Variants in MECOM observed in about 807,000 individuals in gnomAD.
The protein encoded by MECOM is histone-lysine N-methyltransferase MECOM.
In MECOM, 13 loss-of-function variants were observed where a neutral mutation model predicts 116.3. The observed-to-expected ratio is 0.11, with a 90% CI of 0.07 to 0.18. The LOEUF (loss-of-function observed/expected upper bound fraction) is 0.18. Among genes scored for constraint, MECOM ranks in the 10% least tolerant of loss-of-function variants. MECOM has a pLI of 1.00. For missense variants in MECOM, 1,299 were observed against 1,509.0 expected (o/e 0.86, Z 2.31); for synonymous variants, 528 against 535.2 (o/e 0.99, Z 0.19).
intron 2 of MECOM, among the ~76,000 whole-genome samples, chr3:169,250,414 C>T (rs1319138374): frequency 6.6e-6 from 1 of 152,150 alleles, no homozygotes; most frequent in Non-Finnish European, 1.5e-5. Flanking sequence ...GCTGAGGAAC[C>T]CGCATACCAA....
chr3:169,129,403 G>A (rs1577074328), intron 4 of MECOM, among the ~76,000 whole-genome samples: 1 of 30,932 alleles, frequency 3.2e-5, no homozygotes, highest in East Asian at 1.4e-3. Context: ...TTCAGACTTG[G>A]TTTTTAGAAG....
intron 1 of MECOM, among the ~76,000 whole-genome samples, chr3:169,485,976 A>ATATACTATATATACG (rs1560340897): frequency 4.9e-5 from 4 of 82,462 alleles, no homozygotes; most frequent in African/African-American, 2.7e-4. Context: ...ATATATACAT[A>ATATACTATATATACG]TATATATAGT....
At chr3:169,621,329 C>T (rs1327051078) in intron 1 of MECOM, among the ~76,000 whole-genome samples, 1 of 152,224 alleles carries the variant, frequency 6.6e-6, no homozygotes, top group Non-Finnish European at 1.5e-5. Flanking sequence ...ACCAAGTGCA[C>T]TGCTACATGT....
chr3:169,264,679 C>A (rs545541217), intron 2 of MECOM, among the ~76,000 whole-genome samples: 2 of 152,312 alleles, frequency 1.3e-5, no homozygotes, highest in African/African-American at 4.8e-5. Context: ...CCCTCTCATC[C>A]TTCCAACTAT....
chr3:169,316,480 T>C (rs1346650126), intron 2 of MECOM, among the ~76,000 whole-genome samples: 1 of 152,232 alleles, frequency 6.6e-6, no homozygotes, highest in Non-Finnish European at 1.5e-5. Context: ...TAAAATGAGA[T>C]AAGGGGCACA....
rs1491467574 is a variant in MECOM, at chr3:169,378,452, G to GAAAGAAA, written c.375+2734_375+2735insTTTCTTT. 8.7e-3 allele frequency among the ~76,000 whole-genome samples: 560 copies of GAAAGAAA among 64,404 alleles called. 47 individuals are homozygous for GAAAGAAA. Among genetic ancestry groups the GAAAGAAA allele is most frequent in the South Asian group, 0.018 (36 of 1,946 alleles). The allele number at this position is 64,404 out of a possible 152,430, so 42.3% of individuals were successfully genotyped here. On this transcript the variant is annotated intron_variant, in intron 2 of 16. Coordinates refer to ENST00000651503, the MANE Select transcript of MECOM (RefSeq NM_004991.4). ...AAGAAAGAAAGAAAGAAAGAAAGAA[G>GAAAGAAA]GAAAGCAAGCAAGCAAGCAAGCAAG...
chr3:169,472,717 GA>G (rs1749744218), intron 1 of MECOM, among the ~76,000 whole-genome samples: 1 of 87,880 alleles, frequency 1.1e-5, no homozygotes, highest in Admixed American at 1.2e-4. Context: ...GGAAGAAAGG[GA>G]GGGAGGGGGA....
At chr3:169,616,759 G>T (rs1241612237) in intron 1 of MECOM, among the ~76,000 whole-genome samples, 1 of 152,192 alleles carries the variant, frequency 6.6e-6, no homozygotes, top group Non-Finnish European at 1.5e-5. Flanking sequence ...ACCCTTTAGA[G>T]TTGGGTCAAT....
intron 4 of MECOM, among the ~76,000 whole-genome samples, chr3:169,130,838 T>G (rs1734459378): frequency 6.6e-6 from 1 of 152,098 alleles, no homozygotes; most frequent in Non-Finnish European, 1.5e-5. Flanking sequence ...TAAGCAAAAT[T>G]TTCTCTTTAT....
chr3:169,111,424 G>C (rs1245806881), intron 9 of MECOM, among the ~76,000 whole-genome samples: 1 of 152,052 alleles, frequency 6.6e-6, no homozygotes, highest in Non-Finnish European at 1.5e-5. Context: ...TATCAAGAGA[G>C]ATGTACTTTT....
chr3:169,205,578 C>A (rs915339520), intron 2 of MECOM, among the ~76,000 whole-genome samples: 1 of 152,142 alleles, frequency 6.6e-6, no homozygotes, highest in South Asian at 2.1e-4. Flanking sequence ...ATTCTTGAGA[C>A]GTCAACTCTA....
chr3:169,343,040 C>T (rs1313050061), intron 2 of MECOM, among the ~76,000 whole-genome samples: 3 of 152,008 alleles, frequency 2.0e-5, no homozygotes, highest in African/African-American at 7.2e-5. Context: ...CATAAAGTGT[C>T]TTTTAACAGA....
chr3:169,426,931 C>A (rs1018454082), intron 1 of MECOM, among the ~76,000 whole-genome samples: 2 of 152,100 alleles, frequency 1.3e-5, no homozygotes, highest in Admixed American at 6.5e-5. Flanking sequence ...TTTGTGACAA[C>A]CCTATTAGGT....
At chr3:169,620,266 T>C (rs541732416) in intron 1 of MECOM, among the ~76,000 whole-genome samples, 2 of 152,356 alleles carry the variant, frequency 1.3e-5, no homozygotes, top group South Asian at 4.1e-4. Flanking sequence ...ATGCCCATAA[T>C]GCCATATTAG....
chr3:169,308,817 C>T (rs1718197664), intron 2 of MECOM, among the ~76,000 whole-genome samples: 1 of 152,180 alleles, frequency 6.6e-6, no homozygotes, highest in South Asian at 2.1e-4. Context: ...TTATGATCAA[C>T]TGAATTCTCT....
At chr3:169,431,517 T>C (rs975879146) in intron 1 of MECOM, among the ~76,000 whole-genome samples, 2 of 152,146 alleles carry the variant, frequency 1.3e-5, no homozygotes, top group African/African-American at 4.8e-5. Flanking sequence ...TGCCAAATGG[T>C]ACCACAAGAA....
At position 169,270,959 on chromosome 3, in the gene MECOM, T is replaced by G. The variant is rs186428754; in HGVS notation, c.375+110228A>C. On this transcript the variant is annotated intron_variant, in intron 2 of 16. Transcript: ENST00000651503. Reference sequence around the variant, plus strand: ...TTTTTGTAATACTGCTTTTATGTTTTGAAGATGTTGACAAGAGTTTGAGTC... The same window carrying G: ...TTTTTGTAATACTGCTTTTATGTTTGGAAGATGTTGACAAGAGTTTGAGTC... Among the ~76,000 whole-genome samples the G allele has an allele frequency of 2.4e-3, 371 of 152,334 alleles. 4 individuals are homozygous for G. The highest frequency in any genetic ancestry group is 8.6e-3 in the African/African-American group (358 of 41,578).
chr3:169,097,630 A>G (rs1680093189), intron 12 of MECOM, among the ~76,000 whole-genome samples: 1 of 151,932 alleles, frequency 6.6e-6, no homozygotes, highest in African/African-American at 2.4e-5. Context: ...TTTCATTTGT[A>G]AAACAGAGGG....
intron 1 of MECOM, among the ~76,000 whole-genome samples, chr3:169,646,321 G>C (rs1219308446): frequency 2.4e-5 from 3 of 125,138 alleles, no homozygotes; most frequent in Non-Finnish European, 5.0e-5. Flanking sequence ...GGTGGGGGGA[G>C]GGGGAGGGGG....
Sources: gnomAD v4.1 joint callset for allele counts (sites outside exome capture counted in the v4.1 genomes callset) on GRCh38, gnomAD v4.1.1 for gene constraint, MANE v1.5 for transcripts, NCBI Gene and HGNC (gene_info 2026-07-23, HGNC 2026-07-21) for gene names.